MS4A4E: variants seen among roughly 807,000 people sequenced by gnomAD.
The protein encoded by MS4A4E is putative membrane-spanning 4-domains subfamily A member 4E.
MS4A4E carries 23 observed loss-of-function variants against 13.3 expected under a neutral mutation model. The ratio of observed to expected loss-of-function variants is 1.73; its 90% CI spans 1.25 to 2.45. The LOEUF (loss-of-function observed/expected upper bound fraction) is 2.45. Ranked by LOEUF, MS4A4E falls within the 30% of genes most tolerant of loss-of-function variation. The pLI is 0.00. For synonymous variants in MS4A4E, 36 were observed against 45.6 expected, an observed-to-expected ratio of 0.79 and a Z score of 0.85; for missense variants, 144 against 131.2, an observed-to-expected ratio of 1.10 and a Z score of -0.48.
At chr11:60,223,840 T>C (rs2084306254) in intron 3 of MS4A4E, among the ~76,000 whole-genome samples, 2 of 148,658 alleles carry the variant, frequency 1.3e-5, no homozygotes, top group South Asian at 4.3e-4. Flanking sequence ...GATGGCCTAT[T>C]GTGGGACCTC....
chr11:60,205,569 A>C (rs2084028604), intron 7 of MS4A4E, among the ~76,000 whole-genome samples, 145 bp downstream of exon 7: 1 of 152,210 alleles, frequency 6.6e-6, no homozygotes. Flanking sequence ...GGGCCAGACA[A>C]TATTATTACT....
At chr11:60,214,161 C>T (rs2084160756) in intron 4 of MS4A4E, among the ~76,000 whole-genome samples, 1 of 152,124 alleles carries the variant, frequency 6.6e-6, no homozygotes, top group Admixed American at 6.5e-5. Flanking sequence ...TCACCTAGGC[C>T]TCCCAAAGTC....
intron 3 of MS4A4E, among the ~76,000 whole-genome samples, chr11:60,217,769 A>G (rs914550923): frequency 3.3e-5 from 5 of 152,186 alleles, no homozygotes; most frequent in Non-Finnish European, 7.3e-5. Context: ...GCCCGTCTTT[A>G]CTTTCATCTC....
chr11:60,205,758 A>G lies in MS4A4E; in HGVS notation c.546T>C (p.Tyr182=), dbSNP rs2084031050. The change falls in exon 7 of 9, where the codon TAT becomes TAC. Residue 182 remains tyrosine (Y), a synonymous_variant. Coordinates refer to ENST00000651255, the MANE Select transcript of MS4A4E (RefSeq NM_001393391.1). ...CATCAACATTTAGTCTCTTTCCATC[A>G]TATTGCATCTGAATAGAAAGGAGGT... ...MCYLLSIQMQ[Y]DGKRLNVDVD... is the part of the protein sequence containing the mutation. Among the ~76,000 whole-genome samples, 2 of 152,218 alleles carry G rather than the reference A, an allele frequency of 1.3e-5. No individual in the cohort carries two copies. The highest frequency in any genetic ancestry group is 4.8e-5 in the African/African-American group (2 of 41,456).
intron 3 of MS4A4E, among the ~76,000 whole-genome samples, chr11:60,223,881 A>G (rs1311374554): frequency 6.6e-6 from 1 of 152,126 alleles, no homozygotes; most frequent in African/African-American, 2.4e-5. Context: ...AATACTCCCT[A>G]ATAAACTTCC....
At chr11:60,214,859 A>G (rs959750963) in intron 3 of MS4A4E, among the ~76,000 whole-genome samples, 1 of 152,216 alleles carries the variant, frequency 6.6e-6, no homozygotes, top group Non-Finnish European at 1.5e-5. Context: ...CTGGAATGAT[A>G]TTAAAACTGT....
chr11:60,211,145 G>A (rs2084116166), intron 5 of MS4A4E, among the ~76,000 whole-genome samples: 2 of 152,080 alleles, frequency 1.3e-5, no homozygotes, highest in Non-Finnish European at 2.9e-5. Context: ...TAAAAGTAAG[G>A]TTCTTCTTCG....
At chr11:60,215,160 T>C (rs2084175959) in intron 3 of MS4A4E, among the ~76,000 whole-genome samples, 1 of 151,612 alleles carries the variant, frequency 6.6e-6, no homozygotes, top group Non-Finnish European at 1.5e-5. Flanking sequence ...ATTATTAGAG[T>C]TTTTTATTTC....
chr11:60,202,692 G>A (rs1273434385), intron 8 of MS4A4E, among the ~76,000 whole-genome samples: 1 of 152,134 alleles, frequency 6.6e-6, no homozygotes, highest in Non-Finnish European at 1.5e-5. Flanking sequence ...CTTGTAGGAG[G>A]ATCATCCTTT....
Position 60,200,635 on chromosome 11 carries a change from G to A in MS4A4E, c.*908C>T, listed in dbSNP as rs948245323. Among the ~76,000 whole-genome samples, 18 of 152,138 alleles carry A rather than the reference G, an allele frequency of 1.2e-4. No individual in the cohort carries two copies. Among genetic ancestry groups the A allele is most frequent in the Non-Finnish European group, 1.6e-4 (11 of 68,016 alleles). ...AGGTCACAGATCAACAGGATCCCAA[G>A]GCAGAAGAATTTTTCTTAGTACAGA... On this transcript the variant is annotated 3_prime_UTR_variant, in exon 9 of 9. Coordinates refer to ENST00000651255, the MANE Select transcript of MS4A4E (RefSeq NM_001393391.1).
At chr11:60,222,294 T>A (rs1193986421) in intron 3 of MS4A4E, among the ~76,000 whole-genome samples, 1 of 152,214 alleles carries the variant, frequency 6.6e-6, no homozygotes, top group African/African-American at 2.4e-5. Flanking sequence ...TGTCATGGTA[T>A]CCCACATAGC....
intron 1 of MS4A4E, among the ~76,000 whole-genome samples, chr11:60,232,642 T>G (rs1372117717): frequency 6.6e-6 from 1 of 151,912 alleles, no homozygotes; most frequent in Non-Finnish European, 1.5e-5. Flanking sequence ...CTACCTGAAG[T>G]CCACATGTCT....
intron 1 of MS4A4E, among the ~76,000 whole-genome samples, chr11:60,236,606 TC>T (rs2084486343): frequency 6.6e-6 from 1 of 152,146 alleles, no homozygotes; most frequent in Non-Finnish European, 1.5e-5. Context: ...CATATAGAAC[TC>T]CAATTTATTT....
intron 1 of MS4A4E, among the ~76,000 whole-genome samples, chr11:60,235,353 A>G (rs981124446): frequency 6.6e-6 from 1 of 152,194 alleles, no homozygotes; most frequent in Admixed American, 6.5e-5. Context: ...TCAGCCTCCC[A>G]TAGTGCTTGG....
At position 60,200,829 on chromosome 11, in the gene MS4A4E, G is replaced by C. The variant is rs1259431645; in HGVS notation, c.*714C>G. Among the ~76,000 whole-genome samples the C allele has an allele frequency of 1.3e-5, 2 of 151,518 alleles. No homozygotes were observed. Among genetic ancestry groups the C allele is most frequent in the African/African-American group, 4.9e-5 (2 of 40,776 alleles). On this transcript the variant is annotated 3_prime_UTR_variant, in exon 9 of 9. Transcript: ENST00000651255. ...GGTACACTTCCCAGATGGGGTGGTG[G>C]CCGGGCAGAGGGGCTCCTCACTTCC... is the stretch of plus-strand genomic sequence containing the variant.
At position 60,200,400 on chromosome 11, in the gene MS4A4E, C is replaced by T; in HGVS notation, c.*1143G>A. On this transcript the variant is annotated 3_prime_UTR_variant, in exon 9 of 9. Transcript: ENST00000651255. ...GAAGGTCAGCAGATAAACAAGTGAA[C>T]AAAGGTCTCTGGTTTTCCTAGGCAG... 6.6e-6 allele frequency among the ~76,000 whole-genome samples: 1 copy of T among 151,902 alleles called. No homozygotes were observed. The highest frequency in any genetic ancestry group is 1.5e-5 in the Non-Finnish European group (1 of 67,922).
At chr11:60,213,167 C>T (rs2084147162) in intron 4 of MS4A4E, 35 bp from the exon 5 acceptor site, 1 of 927,380 alleles carries the variant, frequency 1.1e-6, no homozygotes, top group Admixed American at 2.5e-5. Flanking sequence ...AGCAATCCAA[C>T]ATCATCCTCA....
chr11:60,230,133 T>C, intron 1 of MS4A4E, 62 bp from the exon 2 acceptor site: 1 of 1,494,296 alleles, frequency 6.7e-7, no homozygotes, highest in Non-Finnish European at 8.9e-7. Flanking sequence ...GTCTTGACAC[T>C]TTGGGGCAGA....
intron 1 of MS4A4E, among the ~76,000 whole-genome samples, chr11:60,242,170 A>G (rs1426411504): frequency 6.6e-6 from 1 of 152,092 alleles, no homozygotes; most frequent in Admixed American, 6.5e-5. Flanking sequence ...GAAAAGGGGG[A>G]AAGGCCTGGG....
Sources: allele counts gnomAD v4.1 joint callset (sites outside exome capture counted in the v4.1 genomes callset), GRCh38; gene constraint gnomAD v4.1.1; transcripts MANE v1.5; gene names NCBI Gene and HGNC (gene_info 2026-07-23, HGNC 2026-07-21).